OR2T12: variants seen among roughly 807,000 people sequenced by gnomAD.
OR2T12 encodes olfactory receptor 2T12.
For synonymous variants in OR2T12, 127 were observed against 160.5 expected, an observed-to-expected ratio of 0.79 and a Z score of 1.58; for missense variants, 335 against 404.3, an observed-to-expected ratio of 0.83 and a Z score of 1.47.
chr1:248,297,356 T>C (rs1659745777), intron 2 of OR2T12, among the ~76,000 whole-genome samples: 1 of 152,084 alleles, frequency 6.6e-6, no homozygotes, highest in South Asian at 2.1e-4. Context: ...TGGTTCCATA[T>C]GAACTTTAAA....
At chr1:248,301,824 T>C (rs1367923938) in intron 1 of OR2T12, among the ~76,000 whole-genome samples, 1 of 152,008 alleles carries the variant, frequency 6.6e-6, no homozygotes, top group African/African-American at 2.4e-5. Context: ...GCAAGAGGAG[T>C]CATCAGATTT....
chr1:248,291,796 C>T lies in OR2T12; in HGVS notation c.*2820G>A, dbSNP rs1406801836. ...CAGAATTCATGCCATACAACCATCTCTTCTTTGACAAACCTGACAAAAACA... is the reference window on the plus strand; with the variant it reads ...CAGAATTCATGCCATACAACCATCTTTTCTTTGACAAACCTGACAAAAACA... On this transcript the variant is annotated 3_prime_UTR_variant, in exon 3 of 3. Coordinates refer to ENST00000641276, the MANE Select transcript of OR2T12 (RefSeq NM_001004692.2). The T allele has an allele frequency of 6.6e-6, 1 of 151,860 alleles. No individual in the cohort carries two copies. Among genetic ancestry groups the T allele is most frequent in the East Asian group, 1.9e-4 (1 of 5,180 alleles). The allele number at this position is 151,860 out of a possible 1,614,324, so 9.4% of individuals were successfully genotyped here.
intron 2 of OR2T12, 66 bp from the exon 3 acceptor site, chr1:248,295,652 G>A: frequency 2.0e-6 from 3 of 1,516,272 alleles, no homozygotes; most frequent in Non-Finnish European, 2.7e-6. Context: ...ATAACTGTTT[G>A]ACTGCACAGT....
intron 2 of OR2T12, among the ~76,000 whole-genome samples, chr1:248,298,477 G>A (rs576026167): frequency 6.6e-6 from 1 of 152,002 alleles, no homozygotes; most frequent in African/African-American, 2.4e-5. Flanking sequence ...AATCCTTCTG[G>A]TCCTGGACTC....
At position 248,291,237 on chromosome 1, in the gene OR2T12, C is replaced by T. The variant is rs1659629613; in HGVS notation, c.*3379G>A. The T allele has an allele frequency of 2.6e-5, 4 of 152,156 alleles. No individual in the cohort carries two copies. The highest frequency in any genetic ancestry group is 2.6e-4 in the Admixed American group (4 of 15,262). 9.4% of individuals were successfully genotyped at this position (152,156 alleles called of 1,614,324 possible). Reference sequence around the variant, plus strand: ...ATCTCCTTAAGCTGATAAGCAACTTCAGCAAAGTCTCAGGATACAATATCA... The same window carrying T: ...ATCTCCTTAAGCTGATAAGCAACTTTAGCAAAGTCTCAGGATACAATATCA... On this transcript the variant is annotated 3_prime_UTR_variant, in exon 3 of 3. Transcript: ENST00000641276.
chr1:248,300,929 A>G (rs1054225934), intron 2 of OR2T12, among the ~76,000 whole-genome samples: 1 of 152,156 alleles, frequency 6.6e-6, no homozygotes, highest in African/African-American at 2.4e-5. Flanking sequence ...TTGATCACTT[A>G]GACATTTCTA....
intron 2 of OR2T12, among the ~76,000 whole-genome samples, chr1:248,295,942 G>A (rs1572830950): frequency 6.6e-6 from 1 of 151,848 alleles, no homozygotes; most frequent in East Asian, 1.9e-4. Context: ...ACATGCTGGT[G>A]CGCTGCACCC....
At chr1:248,302,523 TA>T (rs1659824436) in intron 1 of OR2T12, among the ~76,000 whole-genome samples, 1 of 152,174 alleles carries the variant, frequency 6.6e-6, no homozygotes, top group Non-Finnish European at 1.5e-5. Flanking sequence ...ACAAAATGTA[TA>T]TCCAACATAT....
At chr1:248,297,264 G>A (rs1027114984) in intron 2 of OR2T12, among the ~76,000 whole-genome samples, 7 of 152,058 alleles carry the variant, frequency 4.6e-5, no homozygotes, top group Admixed American at 3.9e-4. Flanking sequence ...TAGCCTTGTA[G>A]TATAGTTTGA....
At chr1:248,302,769 A>G (rs773715154) in intron 1 of OR2T12, among the ~76,000 whole-genome samples, 3 of 152,120 alleles carry the variant, frequency 2.0e-5, no homozygotes, top group Non-Finnish European at 4.4e-5. Flanking sequence ...AGGAGAGACA[A>G]AATTAACTTA....
Position 248,294,717 on chromosome 1 carries a change from A to G in OR2T12, c.862T>C (p.Tyr288His), listed in dbSNP as rs138688834. ...TTGACCTCACTGTTCCTCACACTGTAGATGAGGGGATTTAGTAAAGGGGTG... is the reference window on the plus strand; with the variant it reads ...TTGACCTCACTGTTCCTCACACTGTGGATGAGGGGATTTAGTAAAGGGGTG... ...MFTPLLNPLIYSVRNSEVKEA... is the reference protein window; with the variant it reads ...MFTPLLNPLIHSVRNSEVKEA... The change falls in exon 3 of 3, where the codon TAC (tyrosine) becomes CAC (histidine). Residue 288 changes from tyrosine (Y) to histidine (H), a missense_variant. Transcript: ENST00000641276. 2 of 1,614,036 alleles carry G rather than the reference A, an allele frequency of 1.2e-6. No individual in the cohort carries two copies. Among genetic ancestry groups the G allele is most frequent in the Admixed American group, 1.7e-5 (1 of 59,986 alleles).
intron 2 of OR2T12, among the ~76,000 whole-genome samples, chr1:248,298,553 T>G (rs1056495060): frequency 1.2e-4 from 18 of 151,714 alleles, no homozygotes; most frequent in Non-Finnish European, 2.4e-4. Context: ...TATTCAGAGA[T>G]TCAACTTCTT....
chr1:248,297,480 C>A (rs1375122540), intron 2 of OR2T12, among the ~76,000 whole-genome samples: 1 of 151,894 alleles, frequency 6.6e-6, no homozygotes, highest in Non-Finnish European at 1.5e-5. Context: ...TTCTTCCTAC[C>A]CATGAGCATG....
intron 2 of OR2T12, among the ~76,000 whole-genome samples, chr1:248,296,589 AT>A (rs543976755): frequency 0.011 from 1,606 of 152,110 alleles, 10 homozygotes; most frequent in Non-Finnish European, 0.017. Context: ...TTTGATTTGC[AT>A]TTCTCTGATG....
intron 2 of OR2T12, among the ~76,000 whole-genome samples, chr1:248,300,068 T>A (rs1572833238): frequency 1.3e-5 from 2 of 152,016 alleles, no homozygotes; most frequent in South Asian, 4.1e-4. Context: ...CATGTGCACA[T>A]TGTGCACATG....
At chr1:248,299,074 C>T (rs1031258658) in intron 2 of OR2T12, among the ~76,000 whole-genome samples, 8 of 152,190 alleles carry the variant, frequency 5.3e-5, no homozygotes, top group Admixed American at 1.3e-4. Context: ...CCAGCCACCA[C>T]AAAATCATGC....
Position 248,290,469 on chromosome 1 carries a change from G to C in OR2T12, c.*4147C>G, listed in dbSNP as rs530803921. 1.4e-4 allele frequency: 21 copies of C among 152,256 alleles called. No homozygotes were observed. Among genetic ancestry groups the C allele is most frequent in the Non-Finnish European group, 2.4e-4 (16 of 68,018 alleles). 9.4% of individuals were successfully genotyped at this position (152,256 alleles called of 1,614,324 possible). ...ACTTTAGCCAGTCTATCATTGATGG[G>C]CTTTTGGGTTGGATTCACATATTTA... On this transcript the variant is annotated 3_prime_UTR_variant, in exon 3 of 3. Coordinates refer to ENST00000641276, the MANE Select transcript of OR2T12 (RefSeq NM_001004692.2).
chr1:248,300,769 G>A (rs1659802167), intron 2 of OR2T12, among the ~76,000 whole-genome samples: 1 of 152,050 alleles, frequency 6.6e-6, no homozygotes, highest in African/African-American at 2.4e-5. Flanking sequence ...CTTTAAGTGA[G>A]TCTTGCTATG....
intron 2 of OR2T12, among the ~76,000 whole-genome samples, chr1:248,298,233 A>T (rs868759755): frequency 0.023 from 3,525 of 151,934 alleles, 114 homozygotes; most frequent in African/African-American, 0.081. Flanking sequence ...CTTTTTGATG[A>T]GTTGCTGGAT....
Sources: gnomAD v4.1 joint callset for allele counts (sites outside exome capture counted in the v4.1 genomes callset) on GRCh38, gnomAD v4.1.1 for gene constraint, MANE v1.5 for transcripts, NCBI Gene and HGNC (gene_info 2026-07-23, HGNC 2026-07-21) for gene names.